The following MAP3K20 variants were observed in gnomAD, a reference collection of about 807,000 sequenced individuals.
MAP3K20 encodes the protein mitogen-activated protein kinase kinase kinase 20, also known as HCCS-4.
A neutral mutation model predicts 85.7 loss-of-function variants in MAP3K20; 40 were observed. The ratio of observed to expected loss-of-function variants is 0.47; its 90% CI spans 0.36 to 0.61. MAP3K20 has a LOEUF of 0.61. Ranked by LOEUF, MAP3K20 falls within the 20% of genes least tolerant of loss-of-function variation. MAP3K20 has a pLI of 0.00. For synonymous variants in MAP3K20, 325 were observed against 327.7 expected, an observed-to-expected ratio of 0.99 and a Z score of 0.09; for missense variants, 817 against 961.7, an observed-to-expected ratio of 0.85 and a Z score of 1.99.
At chr2:173,136,645 C>A (rs1210865505) in intron 2 of MAP3K20, among the ~76,000 whole-genome samples, 2 of 152,164 alleles carry the variant, frequency 1.3e-5, no homozygotes, top group Non-Finnish European at 2.9e-5. Context: ...TCCTGAGGAA[C>A]ATGAAAGAGA....
chr2:173,240,148 A>G (rs1184322595), intron 16 of MAP3K20, among the ~76,000 whole-genome samples: 1 of 152,202 alleles, frequency 6.6e-6, no homozygotes, highest in Non-Finnish European at 1.5e-5. Flanking sequence ...CCATTTTGCA[A>G]ATGAGGAAAC....
intron 2 of MAP3K20, among the ~76,000 whole-genome samples, chr2:173,117,960 A>G (rs1391347706): frequency 6.6e-6 from 1 of 152,190 alleles, no homozygotes; most frequent in East Asian, 1.9e-4. Flanking sequence ...GCAAAAGGAA[A>G]GATGTGAGTA....
At chr2:173,101,434 C>T (rs1687635829) in intron 2 of MAP3K20, among the ~76,000 whole-genome samples, 1 of 152,130 alleles carries the variant, frequency 6.6e-6, no homozygotes, top group Non-Finnish European at 1.5e-5. Flanking sequence ...TATTATTGAT[C>T]TCAGCATATT....
chr2:173,186,057 A>C (rs1167537886), intron 4 of MAP3K20, among the ~76,000 whole-genome samples: 14 of 152,210 alleles, frequency 9.2e-5, no homozygotes, highest in Non-Finnish European at 1.9e-4. Flanking sequence ...GTTTATATGA[A>C]ATATTATTTA....
intron 2 of MAP3K20, among the ~76,000 whole-genome samples, chr2:173,162,289 T>C (rs1689682106): frequency 6.6e-6 from 1 of 152,108 alleles, no homozygotes; most frequent in Admixed American, 6.5e-5. Context: ...CCTTGGACCT[T>C]GGATGTAGAG....
At chr2:173,187,681 G>C in intron 5 of MAP3K20, 58 bp downstream of exon 5, 1 of 1,428,540 alleles carries the variant, frequency 7.0e-7, no homozygotes, top group Non-Finnish European at 9.7e-7. Context: ...ACACTTGCAT[G>C]TAGAAATGAG....
chr2:173,241,812 T>TGA (rs752820275), intron 16 of MAP3K20, among the ~76,000 whole-genome samples: 65 of 152,248 alleles, frequency 4.3e-4, no homozygotes, highest in African/African-American at 9.6e-4. Flanking sequence ...TTTGGTTGAG[T>TGA]GAGAGCTGCT....
rs369261075 is a variant in MAP3K20, at chr2:173,266,358, G to A, written c.2011G>A (p.Gly671Ser). 35 of 1,614,040 alleles carry A rather than the reference G, an allele frequency of 2.2e-5. No individual in the cohort carries two copies. The highest frequency in any genetic ancestry group is 2.0e-4 in the East Asian group (9 of 44,882). Reference sequence around the variant, plus strand: ...CAATACTGACACCTCTTCAGAGAGGGGTCGATACTCAGACAGAAGCAGGAA... The same window carrying A: ...CAATACTGACACCTCTTCAGAGAGGAGTCGATACTCAGACAGAAGCAGGAA... ...SGNTDTSSER[G>S]RYSDRSRNKY... is the part of the protein sequence containing the mutation. The change falls in exon 20 of 20, where the codon GGT (glycine) becomes AGT (serine). Residue 671 changes from glycine (G) to serine (S), a missense_variant. By Grantham distance (56) the Gly-to-Ser change is moderately conservative. Around this residue, in one of 4 missense-constraint regions of MAP3K20, gnomAD observed 454 missense variants for 476.9 expected, o/e 0.95. Coordinates refer to ENST00000375213, the MANE Select transcript of MAP3K20 (RefSeq NM_016653.3).
At chr2:173,265,633 T>C (rs548736551) in intron 19 of MAP3K20, among the ~76,000 whole-genome samples, 2 of 152,292 alleles carry the variant, frequency 1.3e-5, no homozygotes, top group Admixed American at 1.3e-4. Flanking sequence ...CTGAACATAC[T>C]TTCTAGAAGT....
intron 11 of MAP3K20, among the ~76,000 whole-genome samples, chr2:173,220,356 C>A (rs1277188121): frequency 2.0e-5 from 3 of 152,100 alleles, no homozygotes; most frequent in Non-Finnish European, 4.4e-5. Context: ...GTGGTGACAT[C>A]TTAGAAAAAA....
chr2:173,134,420 A>AT (rs1559246094), intron 2 of MAP3K20, among the ~76,000 whole-genome samples: 12 of 6,152 alleles, frequency 2.0e-3, no homozygotes, highest in African/African-American at 6.2e-3. Context: ...ATATATATAT[A>AT]TATATATATT....
intron 3 of MAP3K20, among the ~76,000 whole-genome samples, chr2:173,178,124 C>G (rs1690218673): frequency 6.6e-6 from 1 of 151,988 alleles, no homozygotes; most frequent in Non-Finnish European, 1.5e-5. Context: ...ATAAATTTGA[C>G]AAGCCTTTAA....
intron 2 of MAP3K20, among the ~76,000 whole-genome samples, chr2:173,154,963 G>C (rs1689421537): frequency 6.6e-6 from 1 of 152,166 alleles, no homozygotes; most frequent in African/African-American, 2.4e-5. Flanking sequence ...AGAAGTTTTG[G>C]TGTTCAGGAA....
chr2:173,154,419 G>T (rs1442952109), intron 2 of MAP3K20, among the ~76,000 whole-genome samples: 4 of 152,012 alleles, frequency 2.6e-5, no homozygotes, highest in Non-Finnish European at 5.9e-5. Context: ...CCTGACCTCA[G>T]GTGATCCACC....
At chr2:173,166,918 T>TTTTG (rs1689843929) in intron 2 of MAP3K20, 1 of 147,598 alleles carries the variant, frequency 6.8e-6, no homozygotes, top group Admixed American at 6.7e-5. Flanking sequence ...CTGTTTTTTT[T>TTTTG]TTTTTTTTTT....
intron 3 of MAP3K20, among the ~76,000 whole-genome samples, chr2:173,177,206 A>G (rs1690187177): frequency 6.6e-6 from 1 of 152,238 alleles, no homozygotes; most frequent in Non-Finnish European, 1.5e-5. Flanking sequence ...ACTCACATGT[A>G]AAGAATACAT....
At chr2:173,113,836 A>G (rs1032382924) in intron 2 of MAP3K20, among the ~76,000 whole-genome samples, 2 of 152,112 alleles carry the variant, frequency 1.3e-5, no homozygotes. Flanking sequence ...AAAGTTCCAT[A>G]CACTGTTGAA....
intron 2 of MAP3K20, among the ~76,000 whole-genome samples, chr2:173,115,284 A>C (rs778923217): frequency 6.6e-6 from 1 of 151,826 alleles, no homozygotes; most frequent in African/African-American, 2.4e-5. Context: ...TAAGTTATCT[A>C]TTTTCTTGAA....
intron 1 of MAP3K20, among the ~76,000 whole-genome samples, chr2:173,081,189 A>ATC (rs1392485658): frequency 0.016 from 2,188 of 140,866 alleles, 51 homozygotes; most frequent in African/African-American, 0.054. Context: ...AAAAAGACAA[A>ATC]TTTTTTTTTT....
Sources: gnomAD v4.1 joint callset for allele counts (sites outside exome capture counted in the v4.1 genomes callset) on GRCh38, gnomAD v4.1.1 for gene constraint, gnomAD v4.1.1 regional missense constraint, MANE v1.5 for transcripts, NCBI Gene and HGNC (gene_info 2026-07-23, HGNC 2026-07-21) for gene names.